ADCYAP1: variants seen among roughly 807,000 people sequenced by gnomAD.
ADCYAP1 encodes pituitary adenylate cyclase-activating polypeptide.
A neutral mutation model predicts 18.5 loss-of-function variants in ADCYAP1; 6 were observed. The ratio of observed to expected loss-of-function variants is 0.32; its 90% CI spans 0.18 to 0.64. The LOEUF (loss-of-function observed/expected upper bound fraction) is 0.64, where lower values mean the gene tolerates loss of function less well. Ranked by LOEUF, ADCYAP1 falls within the 30% of genes least tolerant of loss-of-function variation. The pLI is 0.77. For missense variants in ADCYAP1, 314 were observed against 253.6 expected (o/e 1.24, Z -1.62); for synonymous variants, 136 against 113.9 (o/e 1.19, Z -1.24).
At chr18:908,156 T>G (rs1424969507) in intron 3 of ADCYAP1, 109 bp from the exon 4 acceptor site, 6 of 966,860 alleles carry the variant, frequency 6.2e-6, no homozygotes, top group African/African-American at 1.7e-5. Flanking sequence ...GAGGTTTCCC[T>G]GTCAGCCTCC....
rs915372750 is a variant in ADCYAP1, at chr18:911,570, T to C, written c.*1935T>C. 1 of 152,114 alleles carries C rather than the reference T, an allele frequency of 6.6e-6. No homozygotes were observed. The highest frequency in any genetic ancestry group is 2.4e-5 in the African/African-American group (1 of 41,428). 9.4% of individuals were successfully genotyped at this position (152,114 alleles called of 1,614,324 possible). A position where few individuals can be genotyped will look rare whatever the true frequency, so the allele number is the denominator to read the frequency against. On this transcript the variant is annotated 3_prime_UTR_variant, in exon 5 of 5. Transcript: ENST00000450565. The stretch of plus-strand genomic sequence containing the variant: ...AGGCGGGATGGATGCTGCCAGGAGA[T>C]CACATTGCAAATAGTGAAAACAGAG...
chr18:907,759 G>C lies in ADCYAP1; in HGVS notation c.211G>C (p.Ala71Pro). Residue 71 changes from alanine to proline, a missense_variant, in exon 3 of 5, where the codon GCC (alanine) becomes CCC (proline). Physicochemically the swap from Ala to Pro is conservative, Grantham distance 27. Coordinates refer to ENST00000450565, the MANE Select transcript of ADCYAP1 (RefSeq NM_001099733.2). ...AGSPASAPRA[A>P]AAWYRPAGRR... ...GAGCCCCGCCTCCGCGCCGCGCGCC[G>C]CCGCCGCCTGGTACCGCCCGGCCGG... 6.7e-7 allele frequency: 1 copy of C among 1,497,606 alleles called. No individual in the cohort carries two copies. Among genetic ancestry groups the C allele is most frequent in the South Asian group, 1.3e-5 (1 of 78,526 alleles). 92.8% of individuals were successfully genotyped at this position (1,497,606 alleles called of 1,614,324 possible).
intron 3 of ADCYAP1, 60 bp downstream of exon 3, chr18:907,850 G>A: frequency 7.1e-7 from 1 of 1,411,540 alleles, no homozygotes; most frequent in African/African-American, 1.5e-5. Context: ...GCGGTGACGG[G>A]AGGGGCAGTG....
intron 3 of ADCYAP1, 44 bp downstream of exon 3, chr18:907,834 G>C: frequency 2.8e-6 from 4 of 1,417,620 alleles, no homozygotes; most frequent in Non-Finnish European, 3.6e-6. Context: ...CTGGGAGCTC[G>C]GGACTGCGGT....
At chr18:907,982 G>T (rs8192598) in intron 3 of ADCYAP1, 192 bp downstream of exon 3, 49,788 of 1,103,362 alleles carry the variant, frequency 0.045, 1,179 homozygotes, top group Non-Finnish European at 0.049. Flanking sequence ...TGGACCTGAG[G>T]GCCGCGTGGG....
intron 2 of ADCYAP1, chr18:906,477 G>T (rs913514162): frequency 6.6e-6 from 1 of 152,374 alleles, no homozygotes; most frequent in Non-Finnish European, 1.5e-5. Context: ...TGGACGGAGA[G>T]ATGGGTTCTG....
intron 3 of ADCYAP1, chr18:907,997 G>A: frequency 1.0e-6 from 1 of 990,900 alleles, no homozygotes; most frequent in Non-Finnish European, 1.4e-6. Flanking sequence ...CGTGGGGACC[G>A]AGGGGGGCTG....
At chr18:907,821 C>A in intron 3 of ADCYAP1, 31 bp downstream of exon 3, 1 of 1,416,880 alleles carries the variant, frequency 7.1e-7, no homozygotes, top group East Asian at 2.8e-5. Flanking sequence ...CGCACACCCG[C>A]GGCTGGGAGC....
chr18:905,347 G>A lies in ADCYAP1; in HGVS notation c.-1-39G>A, dbSNP rs767403588. On this transcript the variant is annotated intron_variant, in intron 1 of 4. Coordinates refer to ENST00000450565, the MANE Select transcript of ADCYAP1 (RefSeq NM_001099733.2). Reference sequence around the variant, plus strand: ...GGTTGGAGGGTGGGAGGCCAGGGGCGTTCTCACAGCTGTGTGTCCTCTTTC... The same window carrying A: ...GGTTGGAGGGTGGGAGGCCAGGGGCATTCTCACAGCTGTGTGTCCTCTTTC... The A allele has an allele frequency of 1.9e-6, 3 of 1,606,346 alleles. No homozygotes were observed. In the East Asian group the frequency reaches 6.7e-5, roughly 36 times the overall value.
chr18:907,811 C>A (rs748232688), intron 3 of ADCYAP1, 21 bp downstream of exon 3: 3 of 1,419,664 alleles, frequency 2.1e-6, no homozygotes, highest in Non-Finnish European at 2.7e-6. Flanking sequence ...CGCGGCCTCG[C>A]GCACACCCGC....
intron 2 of ADCYAP1, among the ~76,000 whole-genome samples, chr18:907,097 C>A (rs1445041567): frequency 6.6e-6 from 1 of 152,194 alleles, no homozygotes; most frequent in Non-Finnish European, 1.5e-5. Context: ...TCCTCGCCTG[C>A]CCAAAATAGA....
chr18:905,721 A>G, intron 2 of ADCYAP1: 1 of 592,058 alleles, frequency 1.7e-6, no homozygotes, highest in Non-Finnish European at 2.9e-6. Flanking sequence ...TAGGCAGCTC[A>G]GGGTCCCGGG....
rs540304516 is a variant in ADCYAP1, at chr18:907,683, G to A, written c.135G>A (p.Glu45=). The A allele has an allele frequency of 6.3e-5, 99 of 1,574,674 alleles. No homozygotes were observed. The Middle Eastern group carries it at 6.7e-4, about 11-fold the overall frequency. ...GIRPEEEAYG[E]DGNPLPDFDG... is the part of the protein sequence containing the mutation. ...GGCCAGAGGAAGAGGCGTACGGCGA[G>A]GACGGAAACCCGCTGCCAGACTTCG... Residue 45 remains glutamate (E), a synonymous_variant, in exon 3 of 5, where the codon GAG becomes GAA. Transcript: ENST00000450565.
rs769401909 is a variant in ADCYAP1, at chr18:909,597, A to T, written c.493A>T (p.Arg165Trp). The change falls in exon 5 of 5, where the codon AGG becomes TGG. Residue 165 changes from arginine to tryptophan, a missense_variant. By Grantham distance (101) the Arg-to-Trp change is moderately radical. Coordinates refer to ENST00000450565, the MANE Select transcript of ADCYAP1 (RefSeq NM_001099733.2). ...CGTCCTAGGGAAGAGGTATAAACAA[A>T]GGGTTAAAAACAAAGGACGCCGAAT... ...AAVLGKRYKQRVKNKGRRIAY... is the reference protein window; with the variant it reads ...AAVLGKRYKQWVKNKGRRIAY... The T allele has an allele frequency of 6.2e-7, 1 of 1,613,860 alleles. No homozygotes were observed. The highest frequency in any genetic ancestry group is 8.5e-7 in the Non-Finnish European group (1 of 1,179,864).
chr18:909,793 T>G lies in ADCYAP1; in HGVS notation c.*158T>G. ...GAATATTTTGATAATAATATTGTTT[T>G]TCTTTCTACAAAGCACTAGAGAATG... On this transcript the variant is annotated 3_prime_UTR_variant, in exon 5 of 5. Transcript: ENST00000450565. 1 of 521,616 alleles carries G rather than the reference T, an allele frequency of 1.9e-6. No homozygotes were observed. The highest frequency in any genetic ancestry group is 3.7e-5 in the East Asian group (1 of 27,292). The allele number at this position is 521,616 out of a possible 1,614,324, so 32.3% of individuals were successfully genotyped here.
intron 1 of ADCYAP1, 112 bp from the exon 2 acceptor site, chr18:905,274 G>A: frequency 1.3e-6 from 2 of 1,519,554 alleles, no homozygotes. Context: ...TCAACTCAGG[G>A]AGCCGGGGCT....
intron 3 of ADCYAP1, 103 bp from the exon 4 acceptor site, chr18:908,162 C>T: frequency 9.7e-7 from 1 of 1,028,582 alleles, no homozygotes; most frequent in Non-Finnish European, 1.4e-6. Flanking sequence ...TCCCTGTCAG[C>T]CTCCCCGGCC....
At chr18:909,256 G>A (rs1909292513) in intron 4 of ADCYAP1, among the ~76,000 whole-genome samples, 190 bp from the exon 5 acceptor site, 1 of 152,200 alleles carries the variant, frequency 6.6e-6, no homozygotes, top group Admixed American at 6.5e-5. Flanking sequence ...TGGGGAGGGG[G>A]GCATCGAGGG....
In ADCYAP1 at chr18:907,781, C is replaced by T; in HGVS notation, c.233C>T (p.Ala78Val). The T allele has an allele frequency of 2.8e-6, 4 of 1,443,608 alleles. No homozygotes were observed. The highest frequency in any genetic ancestry group is 2.4e-4 in the Middle Eastern group (1 of 4,212). The allele number at this position is 1,443,608 out of a possible 1,614,324, so 89.4% of individuals were successfully genotyped here. The change falls in exon 3 of 5, where the codon GCC (alanine) becomes GTC (valine). Residue 78 changes from alanine (A) to valine (V), a missense_variant. Ala to Val is a moderately conservative substitution (Grantham distance 64). Coordinates refer to ENST00000450565, the MANE Select transcript of ADCYAP1 (RefSeq NM_001099733.2). ...PRAAAAWYRP[A>V]GRRDVAHGIL... ...GCCGCCGCCGCCTGGTACCGCCCGG[C>T]CGGGAGAAGGTGAGATTCGCGCGGC... is the stretch of plus-strand genomic sequence containing the variant.
Sources: allele counts gnomAD v4.1 joint callset (sites outside exome capture counted in the v4.1 genomes callset), GRCh38; gene constraint gnomAD v4.1.1; transcripts MANE v1.5; gene names NCBI Gene and HGNC (gene_info 2026-07-23, HGNC 2026-07-21).